CDCP1: variants seen among roughly 807,000 people sequenced by gnomAD.
CDCP1 encodes the protein CUB domain-containing protein 1.
A neutral mutation model predicts 60.2 loss-of-function variants in CDCP1; 29 were observed. That is an observed-to-expected ratio of 0.48 (90% CI 0.36 to 0.66). The LOEUF is 0.66. CDCP1 is among the 30% of genes least tolerant of loss of function. The pLI is 0.00. For missense variants in CDCP1, 876 were observed against 1,074.3 expected (o/e 0.82, Z 2.58); for synonymous variants, 387 against 431.1 (o/e 0.90, Z 1.27).
Position 45,116,237 on chromosome 3 carries a change from GT to G in CDCP1, c.292+2174del, listed in dbSNP as rs796195881. On this transcript the variant is annotated intron_variant, in intron 2 of 8. Transcript: ENST00000296129. ...TTAAAATCTATGTTCATACTGTTCT[GT>G]TAAAAAAAAAAAAAAAAGACATCTA... 2.3e-3 allele frequency among the ~76,000 whole-genome samples: 18 copies of G among 7,868 alleles called. 3 individuals carry two copies. Among genetic ancestry groups the G allele is most frequent in the African/African-American group, 3.4e-3 (10 of 2,936 alleles). The allele number at this position is 7,868 out of a possible 152,430, so 5.2% of individuals were successfully genotyped here.
At position 45,112,241 on chromosome 3, in the gene CDCP1, C is replaced by T. The variant is rs564196123; in HGVS notation, c.497G>A (p.Arg166Gln). 17 of 1,614,164 alleles carry T rather than the reference C, an allele frequency of 1.1e-5. No individual in the cohort carries two copies. Among genetic ancestry groups the T allele is most frequent in the African/African-American group, 8.0e-5 (6 of 75,014 alleles). ...GATCCTGACCACGGTGGCATCGATTCGGCCGCTGATGGAGTGAGTGACTCC... is the reference window on the plus strand; with the variant it reads ...GATCCTGACCACGGTGGCATCGATTTGGCCGCTGATGGAGTGAGTGACTCC... ...PDGVTHSISG[R>Q]IDATVVRIGT... Residue 166 changes from arginine to glutamine, a missense_variant, in exon 3 of 9, where the codon CGA becomes CAA. This residue lies in a region of CDCP1 where 726 missense variants were observed against 935.7 expected (regional missense o/e 0.78). Transcript: ENST00000296129.
rs115745263 is a variant in CDCP1, at chr3:45,110,753, C to T, written c.744G>A (p.Glu248=). The stretch of plus-strand genomic sequence containing the variant: ...GAACGACAAACTGCCACGTCATGAG[C>T]TCATCCTCAGGGAAGCCTTCTGGGT... ...ANYPEGFPED[E]LMTWQFVVPA... Residue 248 remains glutamate, a synonymous_variant, in exon 4 of 9, where the codon GAG becomes GAA. Transcript: ENST00000296129. The T allele has an allele frequency of 5.1e-3, 8,240 of 1,614,166 alleles. 34 individuals are homozygous for T. The highest frequency in any genetic ancestry group is 5.6e-3 in the Non-Finnish European group (6,623 of 1,180,036).
At chr3:45,088,924 T>C (rs531883506) in intron 8 of CDCP1, 130 bp downstream of exon 8, 52 of 758,468 alleles carry the variant, frequency 6.9e-5, no homozygotes, top group African/African-American at 1.2e-4. Context: ...CCTGGCAATA[T>C]TGTTTAACAT....
intron 1 of CDCP1, among the ~76,000 whole-genome samples, chr3:45,136,743 G>C (rs1699197311): frequency 2.0e-5 from 3 of 152,190 alleles, no homozygotes; most frequent in Non-Finnish European, 4.4e-5. Context: ...GTCTATACTT[G>C]AGAAATTTGT....
chr3:45,123,869 CT>C (rs1457058389), intron 1 of CDCP1, among the ~76,000 whole-genome samples: 1 of 152,200 alleles, frequency 6.6e-6, no homozygotes, highest in African/African-American at 2.4e-5. Context: ...TCTGGTGTGA[CT>C]TTGAGGCTTT....
At chr3:45,123,064 G>GGAGA (rs1243746063) in intron 1 of CDCP1, among the ~76,000 whole-genome samples, 1 of 150,772 alleles carries the variant, frequency 6.6e-6, no homozygotes, top group African/African-American at 2.4e-5. Flanking sequence ...TTTTCCATAT[G>GGAGA]GAGAGCCCAT....
intron 8 of CDCP1, among the ~76,000 whole-genome samples, chr3:45,088,662 C>T (rs1291125650): frequency 6.6e-6 from 1 of 152,154 alleles, no homozygotes; most frequent in African/African-American, 2.4e-5. Flanking sequence ...TGGGACAACA[C>T]ACATTCGTTC....
chr3:45,143,114 G>A (rs1348875615), intron 1 of CDCP1, among the ~76,000 whole-genome samples: 2 of 152,208 alleles, frequency 1.3e-5, no homozygotes, highest in Non-Finnish European at 2.9e-5. Context: ...TGAGGTAGGA[G>A]AATAGCTTGA....
chr3:45,110,986 C>A, intron 3 of CDCP1, 145 bp from the exon 4 acceptor site: 2 of 922,938 alleles, frequency 2.2e-6, no homozygotes, highest in South Asian at 3.3e-5. Context: ...TATATTTGGA[C>A]TCAAGGCAGA....
At chr3:45,098,189 T>TTTATTATTATTA (rs35685013) in intron 4 of CDCP1, among the ~76,000 whole-genome samples, 2 of 148,664 alleles carry the variant, frequency 1.3e-5, no homozygotes, top group East Asian at 2.0e-4. Flanking sequence ...ATTCTCAGCC[T>TTTATTATTATTA]TTATTATTAT....
At chr3:45,119,781 ACACT>A (rs1201765114) in intron 1 of CDCP1, among the ~76,000 whole-genome samples, 2 of 152,242 alleles carry the variant, frequency 1.3e-5, no homozygotes, top group African/African-American at 4.8e-5. Flanking sequence ...ACAAATGTAT[ACACT>A]CATGTGACCA....
chr3:45,109,061 T>G (rs1352020604), intron 4 of CDCP1, among the ~76,000 whole-genome samples: 10 of 149,964 alleles, frequency 6.7e-5, no homozygotes, highest in Admixed American at 6.0e-4. Flanking sequence ...GCAATTTCCA[T>G]GTCTCAGCCT....
chr3:45,099,672 A>G (rs61467950), intron 4 of CDCP1, among the ~76,000 whole-genome samples: 3,753 of 151,626 alleles, frequency 0.025, 175 homozygotes, highest in African/African-American at 0.086. Flanking sequence ...CTTTCTTTCT[A>G]TCGCGCTGGC....
Position 45,091,396 on chromosome 3 carries a change from G to T in CDCP1, c.1770C>A (p.Phe590Leu). The change falls in exon 7 of 9, where the codon TTC (phenylalanine) becomes TTA (leucine). Residue 590 changes from phenylalanine (F) to leucine (L), a missense_variant. Phe to Leu is a conservative substitution (Grantham distance 22). Coordinates refer to ENST00000296129, the MANE Select transcript of CDCP1 (RefSeq NM_022842.5). The surrounding 1 kb of genome is among the most constrained non-coding windows in gnomAD (Gnocchi z 4.8). ...AGACCACGCCGCTCCGCTCCTTAAA[G>T]AAAGTCAGGCAGGCCACCTGGTCTC... ...VPRDQVACLTFFKERSGVVCQ... is the reference protein window; with the variant it reads ...VPRDQVACLTLFKERSGVVCQ... 6.2e-7 allele frequency: 1 copy of T among 1,614,132 alleles called. No homozygotes were observed. Among genetic ancestry groups the T allele is most frequent in the Non-Finnish European group, 8.5e-7 (1 of 1,179,994 alleles).
intron 4 of CDCP1, among the ~76,000 whole-genome samples, chr3:45,108,128 A>G (rs1698602803): frequency 6.9e-6 from 1 of 144,786 alleles, no homozygotes; most frequent in East Asian, 1.9e-4. Flanking sequence ...CTGCCTAAAA[A>G]AAAAAGAAAA....
At chr3:45,094,415 T>A (rs1218766892) in intron 5 of CDCP1, among the ~76,000 whole-genome samples, 2 of 151,922 alleles carry the variant, frequency 1.3e-5, no homozygotes, top group South Asian at 2.1e-4. Context: ...TTAGTAGAGA[T>A]GGGGTTTCGC....
At chr3:45,100,274 A>G (rs952302982) in intron 4 of CDCP1, among the ~76,000 whole-genome samples, 1 of 152,190 alleles carries the variant, frequency 6.6e-6, no homozygotes, top group African/African-American at 2.4e-5. Context: ...GTTTTACTCA[A>G]TCCCCCGTGT....
At chr3:45,141,664 A>G (rs111327429) in intron 1 of CDCP1, among the ~76,000 whole-genome samples, 4,143 of 152,310 alleles carry the variant, frequency 0.027, 71 homozygotes, top group Middle Eastern at 0.095. Context: ...ACCAGATACA[A>G]ACCCAAGGCT....
At chr3:45,126,180 T>TTC (rs1339251317) in intron 1 of CDCP1, among the ~76,000 whole-genome samples, 3 of 123,510 alleles carry the variant, frequency 2.4e-5, no homozygotes, top group South Asian at 2.7e-4. Flanking sequence ...CTTTCCTTCT[T>TTC]TCTCTCTCTC....
Sources: allele counts gnomAD v4.1 joint callset (sites outside exome capture counted in the v4.1 genomes callset), GRCh38; gene constraint gnomAD v4.1.1; regional missense constraint gnomAD v4.1.1; non-coding constraint Gnocchi (gnomAD v3.1); transcripts MANE v1.5; gene names NCBI Gene and HGNC (gene_info 2026-07-23, HGNC 2026-07-21).